The following ATAD2B variants were observed in gnomAD, a reference collection of about 807,000 sequenced individuals.
ATAD2B encodes ATPase family AAA domain containing 2B.
ATAD2B carries 40 observed loss-of-function variants against 167.6 expected under a neutral mutation model. That is an observed-to-expected ratio of 0.24 (90% CI 0.19 to 0.31). The LOEUF is 0.31. Among genes scored for constraint, ATAD2B ranks in the 10% least tolerant of loss-of-function variants. The probability of loss-of-function intolerance (pLI) is 1.00; values close to 1 mark genes in which losing one functional copy is unlikely to be tolerated. For missense variants in ATAD2B, 1,242 were observed against 1,757.2 expected (o/e 0.71, Z 5.24); for synonymous variants, 579 against 596.5 (o/e 0.97, Z 0.43).
chr2:23,883,523 T>C (rs1285514100), intron 6 of ATAD2B: 1 of 871,798 alleles, frequency 1.1e-6, no homozygotes, highest in South Asian at 1.6e-5. Flanking sequence ...ATATGGCATA[T>C]CTACTTTGGA....
chr2:23,900,511 G>A (rs1700691075), intron 1 of ATAD2B, among the ~76,000 whole-genome samples: 1 of 152,174 alleles, frequency 6.6e-6, no homozygotes, highest in African/African-American at 2.4e-5. Flanking sequence ...CCAACAACAT[G>A]GGCATGATCT....
intron 13 of ATAD2B, chr2:23,856,350 AT>A (rs1425689668): frequency 4.5e-6 from 1 of 220,782 alleles, no homozygotes; most frequent in Non-Finnish European, 1.0e-5. Flanking sequence ...TCATGTGAAA[AT>A]TCAAACAGTT....
chr2:23,694,401 ACCT>A, the ATAD2B span, among the ~76,000 whole-genome samples: 4 of 151,768 alleles, frequency 2.6e-5, no homozygotes, highest in Non-Finnish European at 5.9e-5. Context: ...TTACTGCAGC[ACCT>A]CCTAAGTGGT....
At chr2:23,787,377 G>A (rs772822117) in intron 20 of ATAD2B, among the ~76,000 whole-genome samples, 26 of 151,986 alleles carry the variant, frequency 1.7e-4, no homozygotes, top group Non-Finnish European at 2.8e-4. Context: ...AGATCTATGA[G>A]ATTAAAATAT....
At chr2:23,865,427 G>A (rs183369958) in intron 10 of ATAD2B, among the ~76,000 whole-genome samples, 64 of 152,064 alleles carry the variant, frequency 4.2e-4, no homozygotes, top group Middle Eastern at 6.8e-3. Flanking sequence ...TACTTGGGAG[G>A]CTGAGGCAGG....
intron 8 of ATAD2B, among the ~76,000 whole-genome samples, chr2:23,874,101 T>A (rs1401584478): frequency 1.3e-5 from 2 of 151,740 alleles, no homozygotes; most frequent in Non-Finnish European, 2.9e-5. Context: ...CCAGGAGAAT[T>A]GCTTCAACCA....
At chr2:23,873,933 T>G (rs966876015) in intron 8 of ATAD2B, among the ~76,000 whole-genome samples, 1 of 152,150 alleles carries the variant, frequency 6.6e-6, no homozygotes, top group African/African-American at 2.4e-5. Flanking sequence ...ATGCCTGGAA[T>G]CCCAGCACTT....
At chr2:23,849,357 T>G (rs926183996) in intron 13 of ATAD2B, among the ~76,000 whole-genome samples, 7 of 152,190 alleles carry the variant, frequency 4.6e-5, no homozygotes, top group Non-Finnish European at 1.0e-4. Context: ...CATGGACATT[T>G]CATAATATAA....
chr2:23,906,552 T>C (rs1484638320), intron 1 of ATAD2B, among the ~76,000 whole-genome samples: 1 of 152,110 alleles, frequency 6.6e-6, no homozygotes, highest in East Asian at 1.9e-4. Context: ...TTCCCGGGTA[T>C]CCTTGTTGAC....
chr2:23,703,391 C>T, the ATAD2B span: 25 of 1,477,906 alleles, frequency 1.7e-5, no homozygotes, highest in African/African-American at 2.1e-4. Context: ...TGAGAACCAG[C>T]GGTGTCCTCA....
chr2:23,681,020 T>C, the ATAD2B span, among the ~76,000 whole-genome samples: 1 of 151,950 alleles, frequency 6.6e-6, no homozygotes, highest in Non-Finnish European at 1.5e-5. The surrounding 1 kb of genome is among the most constrained non-coding windows in gnomAD (Gnocchi z 4.2). Flanking sequence ...GATCAGGGAG[T>C]GTCCTTTGCC....
the ATAD2B span, among the ~76,000 whole-genome samples, chr2:23,738,006 AT>A: frequency 6.6e-6 from 1 of 152,232 alleles, no homozygotes; most frequent in Non-Finnish European, 1.5e-5. Flanking sequence ...AGAAAAAAGA[AT>A]AAAAAGAAAC....
Position 23,877,485 on chromosome 2 carries a change from AGGAAG to A in ATAD2B, c.902-1586_902-1582del, listed in dbSNP as rs1420553097. On this transcript the variant is annotated intron_variant, in intron 7 of 27. Coordinates refer to ENST00000238789, the MANE Select transcript of ATAD2B (RefSeq NM_017552.4). ...CTCCAGCCTAGGTGACAGAGCAAGA[AGGAAG>A]GGAAGGGAAGGGAAGGGGAGGGAAG... Among the ~76,000 whole-genome samples the A allele has an allele frequency of 4.4e-4, 50 of 113,094 alleles. No homozygotes were observed. In the East Asian group the frequency reaches 8.3e-3, roughly 19 times the overall value. The allele number at this position is 113,094 out of a possible 152,430, so 74.2% of individuals were successfully genotyped here.
At position 23,819,893 on chromosome 2, in the gene ATAD2B, A is replaced by C. The variant is rs372016781; in HGVS notation, c.2132-11T>G. 74 of 1,559,652 alleles carry C rather than the reference A, an allele frequency of 4.7e-5. No individual in the cohort carries two copies. The highest frequency in any genetic ancestry group is 9.5e-5 in the African/African-American group (7 of 73,476). The stretch of plus-strand genomic sequence containing the variant: ...TTAAAGTTTCTATATCTGTTTAAAA[A>C]AATCACAATGGTTATGGGGCTTATA... On this transcript the variant is annotated splice_polypyrimidine_tract_variant and intron_variant, in intron 16 of 27. Coordinates refer to ENST00000238789, the MANE Select transcript of ATAD2B (RefSeq NM_017552.4).
At chr2:23,738,406 A>G in the ATAD2B span, among the ~76,000 whole-genome samples, 10 of 152,214 alleles carry the variant, frequency 6.6e-5, no homozygotes, top group African/African-American at 2.4e-5. Context: ...AACATTCTTA[A>G]AGAAAAGAAT....
chr2:23,750,942 T>C lies in ATAD2B; in HGVS notation c.*1104A>G, dbSNP rs1194648989. 1 of 152,136 alleles carries C rather than the reference T, an allele frequency of 6.6e-6. No individual in the cohort carries two copies. Among genetic ancestry groups the C allele is most frequent in the Non-Finnish European group, 1.5e-5 (1 of 67,994 alleles). The allele number at this position is 152,136 out of a possible 1,614,324, so 9.4% of individuals were successfully genotyped here. A position where few individuals can be genotyped will look rare whatever the true frequency, so the allele number is the denominator to read the frequency against. ...ATTCAAGGACCATACCAGAGCTCGT[T>C]TGCAATTAAGCATACAGAAAATGAA... On this transcript the variant is annotated 3_prime_UTR_variant, in exon 28 of 28. Coordinates refer to ENST00000238789, the MANE Select transcript of ATAD2B (RefSeq NM_017552.4).
At chr2:23,892,227 G>A (rs1038986262) in intron 2 of ATAD2B, among the ~76,000 whole-genome samples, 1 of 152,138 alleles carries the variant, frequency 6.6e-6, no homozygotes. Context: ...GCAGTGGCGC[G>A]ATCTTGGCTC....
rs369124881 is a variant in ATAD2B at position 23,872,687 on chromosome 2, C to T, written c.978-2926G>A. The T allele has an allele frequency of 1.8e-3, 2,413 of 1,309,862 alleles. 48 individuals carry two copies. In the South Asian group the frequency reaches 0.023, roughly 13 times the overall value. 81.1% of individuals were successfully genotyped at this position (1,309,862 alleles called of 1,614,324 possible). ...CCTCCAGATCTTCACCTGGGCCTCA[C>T]CATGCTTTGCAGCAGTTTCTGCTTT... On this transcript the variant is annotated intron_variant, in intron 8 of 27. Transcript: ENST00000238789.
intron 13 of ATAD2B, among the ~76,000 whole-genome samples, chr2:23,840,859 A>C (rs2149804255): frequency 6.6e-6 from 1 of 152,256 alleles, no homozygotes; most frequent in East Asian, 1.9e-4. Flanking sequence ...TAGTTCTGTC[A>C]GTTTTTGTTT....
Sources: gnomAD v4.1 joint callset for allele counts (sites outside exome capture counted in the v4.1 genomes callset) on GRCh38, gnomAD v4.1.1 for gene constraint, Gnocchi (gnomAD v3.1) non-coding constraint, MANE v1.5 for transcripts, NCBI Gene and HGNC (gene_info 2026-07-23, HGNC 2026-07-21) for gene names.